The following PIAS4 variants were observed in gnomAD, a reference collection of about 807,000 sequenced individuals.
The protein encoded by PIAS4 is E3 SUMO-protein ligase PIAS4.
Under a neutral mutation model 58.0 loss-of-function variants are expected in PIAS4, and 7 were observed. The ratio of observed to expected loss-of-function variants is 0.12; its 90% CI spans 0.07 to 0.23. The LOEUF (loss-of-function observed/expected upper bound fraction) is 0.23, where lower values mean the gene tolerates loss of function less well. PIAS4 is among the 10% of genes least tolerant of loss of function. The probability of loss-of-function intolerance (pLI) is 1.00; values close to 1 mark genes in which losing one functional copy is unlikely to be tolerated. For synonymous variants in PIAS4, 364 were observed against 312.4 expected (o/e 1.17, Z -1.74); for missense variants, 550 against 709.5 (o/e 0.78, Z 2.55).
chr19:4,013,340 A>G lies in PIAS4; in HGVS notation c.445A>G (p.Thr149Ala). ...TATGCTGGATGAGCTGCTGAAGCCC[A>G]CCGAATTAGGTGAGTGGTCACCCTG... Reference protein sequence around the residue: ...FNMLDELLKPTELVPQNNEKL... With the variant: ...FNMLDELLKPAELVPQNNEKL... Residue 149 changes from threonine (T) to alanine (A), a missense_variant, in exon 2 of 11, where the codon ACC (threonine) becomes GCC (alanine). Thr to Ala is a moderately conservative substitution (Grantham distance 58). Around this residue, in one of 4 missense-constraint regions of PIAS4, gnomAD observed 225 missense variants for 345.8 expected, o/e 0.65. Transcript: ENST00000262971. This position sits in a 1 kb window ranked among gnomAD's most constrained non-coding sequence, Gnocchi z 5.1. The G allele has an allele frequency of 1.2e-6, 2 of 1,612,016 alleles. No homozygotes were observed. Among genetic ancestry groups the G allele is most frequent in the Non-Finnish European group, 1.7e-6 (2 of 1,179,280 alleles).
At chr19:4,011,651 GTGTGTTT>G (rs2039993508) in intron 1 of PIAS4, among the ~76,000 whole-genome samples, 2 of 151,472 alleles carry the variant, frequency 1.3e-5, no homozygotes, top group African/African-American at 2.4e-5. Context: ...TGGTGTGGAG[GTGTGTTT>G]GGTGTGGAGG....
At chr19:4,026,989 A>G (rs2040171241) in intron 3 of PIAS4, among the ~76,000 whole-genome samples, 1 of 148,892 alleles carries the variant, frequency 6.7e-6, no homozygotes, top group African/African-American at 2.5e-5. Context: ...CTGGGACTAC[A>G]GGCACCCGCC....
intron 2 of PIAS4, among the ~76,000 whole-genome samples, chr19:4,023,481 AAAAC>A (rs747684648): frequency 1.2e-4 from 18 of 152,332 alleles, no homozygotes; most frequent in Non-Finnish European, 2.2e-4. Context: ...AAAACAAAAC[AAAAC>A]AAACAAAAAC....
intron 2 of PIAS4, among the ~76,000 whole-genome samples, chr19:4,017,294 G>A (rs2040061692): frequency 6.6e-6 from 1 of 152,234 alleles, no homozygotes; most frequent in East Asian, 1.9e-4. Flanking sequence ...CCCATCCCCT[G>A]TGGCCCCCTG....
At chr19:4,024,343 A>G (rs1369406259) in intron 3 of PIAS4, among the ~76,000 whole-genome samples, 1 of 152,190 alleles carries the variant, frequency 6.6e-6, no homozygotes, top group South Asian at 2.1e-4. Flanking sequence ...GCAGCCTGCT[A>G]GAGAGAGGCG....
intron 9 of PIAS4, among the ~76,000 whole-genome samples, chr19:4,035,010 T>C (rs2040260374): frequency 6.6e-6 from 1 of 152,014 alleles, no homozygotes; most frequent in Non-Finnish European, 1.5e-5. Context: ...GCTGTGTGTG[T>C]CTTGGGGAGG....
At position 4,037,386 on chromosome 19, in the gene PIAS4, G is replaced by C. The variant is rs2144948980; in HGVS notation, c.1155G>C (p.Lys385Asn). The C allele has an allele frequency of 6.2e-7, 1 of 1,606,002 alleles. No homozygotes were observed. The highest frequency in any genetic ancestry group is 8.5e-7 in the Non-Finnish European group (1 of 1,174,850). The change falls in exon 10 of 11, where the codon AAG becomes AAC. Residue 385 changes from lysine (K) to asparagine (N), a missense_variant. Lys to Asn is a moderately conservative substitution (Grantham distance 94). Coordinates refer to ENST00000262971, the MANE Select transcript of PIAS4 (RefSeq NM_015897.4). The surrounding 1 kb of genome is among the most constrained non-coding windows in gnomAD (Gnocchi z 5.8). ...CGCCTCGCCCCAGGCTCCTCTCGAA[G>C]ATCCTGAGCGAGTGTGAGGACGCCG... ...DQLIIDGLLS[K>N]ILSECEDADE...
chr19:4,031,042 C>T (rs1294160863), intron 7 of PIAS4, among the ~76,000 whole-genome samples: 2 of 152,170 alleles, frequency 1.3e-5, no homozygotes, highest in Non-Finnish European at 2.9e-5. Context: ...CTGGGCACCA[C>T]CCCAGCCCCT....
intron 2 of PIAS4, among the ~76,000 whole-genome samples, chr19:4,016,903 G>A (rs531864807): frequency 6.6e-6 from 1 of 151,610 alleles, no homozygotes; most frequent in South Asian, 2.1e-4. Flanking sequence ...GGAAGGCTGG[G>A]GGCTACCCTG....
At chr19:4,015,173 C>G (rs991986881) in intron 2 of PIAS4, among the ~76,000 whole-genome samples, 3 of 152,200 alleles carry the variant, frequency 2.0e-5, no homozygotes, top group Non-Finnish European at 4.4e-5. Context: ...AGCTGTTCCC[C>G]CTGCCAGGTT....
chr19:4,020,470 A>C (rs922958586), intron 2 of PIAS4, among the ~76,000 whole-genome samples: 2 of 150,932 alleles, frequency 1.3e-5, no homozygotes, highest in Non-Finnish European at 3.0e-5. Context: ...GGCCACTGCA[A>C]GGCTGCCATT....
intron 9 of PIAS4, among the ~76,000 whole-genome samples, chr19:4,036,557 C>T (rs563744819): frequency 2.1e-4 from 31 of 145,464 alleles, no homozygotes; most frequent in Admixed American, 8.0e-4. Flanking sequence ...TCTATACAGT[C>T]CACACCGTCA....
rs565242772 is a variant in PIAS4 at position 4,024,460 on chromosome 19, C to T, written c.539+340C>T. Among the ~76,000 whole-genome samples, 6 of 152,340 alleles carry T rather than the reference C, an allele frequency of 3.9e-5. No individual in the cohort carries two copies. In the South Asian group the frequency reaches 8.3e-4, roughly 21 times the overall value. Reference sequence around the variant, plus strand: ...CTCCACCCACGCCATGACAAGAACACACCCCTGTTGTGACAACCACAGATG... The same window carrying T: ...CTCCACCCACGCCATGACAAGAACATACCCCTGTTGTGACAACCACAGATG... On this transcript the variant is annotated intron_variant, in intron 3 of 10. Transcript: ENST00000262971.
chr19:4,018,416 T>C (rs899540059), intron 2 of PIAS4: 1 of 152,198 alleles, frequency 6.6e-6, no homozygotes, highest in Non-Finnish European at 1.5e-5. Context: ...CAGCCTTGGG[T>C]GGAGCCAACG....
At chr19:4,019,642 C>T (rs143183315) in intron 2 of PIAS4, among the ~76,000 whole-genome samples, 56 of 152,352 alleles carry the variant, frequency 3.7e-4, no homozygotes, top group African/African-American at 1.2e-3. Flanking sequence ...TCAGGGCAGA[C>T]CTGGGCGCGT....
intron 7 of PIAS4, among the ~76,000 whole-genome samples, chr19:4,032,838 G>C (rs1283698900): frequency 6.6e-6 from 1 of 152,232 alleles, no homozygotes; most frequent in Admixed American, 6.5e-5. Context: ...TCCACGCAGG[G>C]TGGGGGAGGC....
intron 1 of PIAS4, among the ~76,000 whole-genome samples, chr19:4,008,128 G>A (rs532913661): frequency 6.6e-6 from 1 of 152,168 alleles, no homozygotes; most frequent in South Asian, 2.1e-4. Flanking sequence ...GCCGGGATGC[G>A]GGACGTGTTG....
Position 4,028,564 on chromosome 19 carries a change from C to T in PIAS4, c.636C>T (p.Ile212=), listed in dbSNP as rs200867700. ...AGGAGGACCAGTACCCGCCCAACATCGCTGTGAAGGTCAACCACAGCTACT... is the reference window on the plus strand; with the variant it reads ...AGGAGGACCAGTACCCGCCCAACATTGCTGTGAAGGTCAACCACAGCTACT... ...CPQEDQYPPN[I]AVKVNHSYCS... Residue 212 remains isoleucine, a synonymous_variant, in exon 5 of 11, where the codon ATC becomes ATT. Coordinates refer to ENST00000262971, the MANE Select transcript of PIAS4 (RefSeq NM_015897.4). 30 of 1,613,004 alleles carry T rather than the reference C, an allele frequency of 1.9e-5. No homozygotes were observed. Among genetic ancestry groups the T allele is most frequent in the African/African-American group, 1.1e-4 (8 of 74,982 alleles).
chr19:4,013,265 G>T lies in PIAS4; in HGVS notation c.370G>T (p.Ala124Ser). The T allele has an allele frequency of 6.2e-7, 1 of 1,613,296 alleles. No homozygotes were observed. Among genetic ancestry groups the T allele is most frequent in the South Asian group, 1.1e-5 (1 of 91,086 alleles). ...CTTAAACGGACTGGGACGGTTGCCC[G>T]CCAAGACCCTCAAGCCAGAAGTCCG... ...KYLNGLGRLPAKTLKPEVRLV... is the reference protein window; with the variant it reads ...KYLNGLGRLPSKTLKPEVRLV... Residue 124 changes from alanine to serine, a missense_variant, in exon 2 of 11, where the codon GCC becomes TCC. By Grantham distance (99) the Ala-to-Ser change is moderately conservative. Around this residue, in one of 4 missense-constraint regions of PIAS4, gnomAD observed 95 missense variants for 87.5 expected, o/e 1.09. Coordinates refer to ENST00000262971, the MANE Select transcript of PIAS4 (RefSeq NM_015897.4). The surrounding 1 kb of genome is among the most constrained non-coding windows in gnomAD (Gnocchi z 5.1).
Sources: allele counts gnomAD v4.1 joint callset (sites outside exome capture counted in the v4.1 genomes callset), GRCh38; gene constraint gnomAD v4.1.1; regional missense constraint gnomAD v4.1.1; non-coding constraint Gnocchi (gnomAD v3.1); transcripts MANE v1.5; gene names NCBI Gene and HGNC (gene_info 2026-07-23, HGNC 2026-07-21).